FAAH2: variants seen among roughly 807,000 people sequenced by gnomAD.
The protein encoded by FAAH2 is fatty acid amide hydrolase 2.
In FAAH2, 60 loss-of-function variants were observed where a neutral mutation model predicts 36.9. The ratio of observed to expected loss-of-function variants is 1.63; its 90% CI spans 1.32 to 2.02. FAAH2 has a LOEUF of 2.02. FAAH2 is among the 30% of genes most tolerant of loss of function. FAAH2 has a pLI of 0.00. For missense variants in FAAH2, 689 were observed against 397.5 expected (o/e 1.73, Z -6.23); for synonymous variants, 214 against 143.8 (o/e 1.49, Z -3.49).
chrX:57,198,491 C>T, the FAAH2 span, among the ~76,000 whole-genome samples: 28 of 112,544 alleles, frequency 2.5e-4, no homozygotes, highest in South Asian at 7.3e-4. Flanking sequence ...CCCCAGGCTA[C>T]AAGCCTCAGT....
intron 10 of FAAH2, among the ~76,000 whole-genome samples, chrX:57,487,707 T>C (rs1191995082): frequency 2.7e-5 from 3 of 112,054 alleles, no homozygotes; most frequent in African/African-American, 9.7e-5. Context: ...TGGAAAACAA[T>C]TTGGCATTTT....
intron 1 of FAAH2, among the ~76,000 whole-genome samples, chrX:57,287,232 C>A (rs1048774440): frequency 1.8e-5 from 2 of 111,266 alleles, no homozygotes; most frequent in African/African-American, 6.5e-5. Context: ...TATTTTGGTA[C>A]CGTCATAGTC....
At chrX:57,173,543 T>TACA in the FAAH2 span, among the ~76,000 whole-genome samples, 1 of 112,006 alleles carries the variant, frequency 8.9e-6, no homozygotes, top group East Asian at 2.8e-4. Context: ...TTTGACTTTT[T>TACA]GTCCTATTTG....
chrX:57,216,544 G>GTATATA, the FAAH2 span, among the ~76,000 whole-genome samples: 1 of 26,241 alleles, frequency 3.8e-5, no homozygotes, highest in African/African-American at 1.2e-4. Flanking sequence ...ATATATATAC[G>GTATATA]TATATGTATA....
intron 4 of FAAH2, among the ~76,000 whole-genome samples, chrX:57,332,018 C>T (rs1159590392): frequency 7.2e-5 from 8 of 111,059 alleles, no homozygotes; most frequent in African/African-American, 2.6e-4. Flanking sequence ...GGAGAAGTAG[C>T]CAGCAAAGGG....
chrX:57,281,983 G>A (rs1232526841), upstream of FAAH2, among the ~76,000 whole-genome samples: 5 of 111,729 alleles, frequency 4.5e-5, no homozygotes, highest in Middle Eastern at 4.6e-3. Flanking sequence ...TGGGCATTTC[G>A]GTTGATTACA....
At chrX:57,215,195 C>A in the FAAH2 span, among the ~76,000 whole-genome samples, 1 of 109,067 alleles carries the variant, frequency 9.2e-6, no homozygotes, top group Non-Finnish European at 1.9e-5. Context: ...ATTTATGTGA[C>A]CAACAAACAT....
At chrX:57,434,157 C>G (rs1326641862) in intron 8 of FAAH2, among the ~76,000 whole-genome samples, 1 of 106,247 alleles carries the variant, frequency 9.4e-6, no homozygotes, top group East Asian at 3.0e-4. Context: ...CAATCTTGGC[C>G]TACTGCAACC....
the FAAH2 span, among the ~76,000 whole-genome samples, chrX:57,196,739 G>A: frequency 4.2e-3 from 473 of 111,321 alleles, 1 homozygote; most frequent in African/African-American, 0.015. Context: ...CTTTTATGCC[G>A]ATTTTGCTGA....
intron 8 of FAAH2, among the ~76,000 whole-genome samples, chrX:57,443,839 A>T (rs1352107485): frequency 1.8e-5 from 2 of 111,829 alleles, no homozygotes; most frequent in Non-Finnish European, 3.8e-5. Flanking sequence ...AACAGTCAGG[A>T]CCCTCAGTTG....
chrX:57,177,919 G>A, the FAAH2 span, among the ~76,000 whole-genome samples: 1 of 110,490 alleles, frequency 9.1e-6, no homozygotes, highest in East Asian at 2.9e-4. Context: ...TTCTCCCATG[G>A]GGTGCTTTCT....
chrX:57,404,872 C>A (rs2055527985), intron 7 of FAAH2, among the ~76,000 whole-genome samples: 1 of 112,185 alleles, frequency 8.9e-6, no homozygotes, highest in African/African-American at 3.2e-5. Context: ...CTGGCTGCAC[C>A]ATGATCTCAA....
At chrX:57,148,566 G>A in the FAAH2 span, among the ~76,000 whole-genome samples, 120 of 111,490 alleles carry the variant, frequency 1.1e-3, no homozygotes, top group Non-Finnish European at 1.7e-3. Context: ...CTGTTTGTCT[G>A]TTATTGGTGT....
intron 5 of FAAH2, among the ~76,000 whole-genome samples, chrX:57,362,793 A>C (rs757700532): frequency 3.6e-5 from 4 of 112,153 alleles, no homozygotes; most frequent in Non-Finnish European, 7.5e-5. Context: ...TATTTTGCAC[A>C]TGACTAGCCA....
the FAAH2 span, among the ~76,000 whole-genome samples, chrX:57,220,107 G>T: frequency 9.3e-6 from 1 of 107,646 alleles, no homozygotes; most frequent in East Asian, 2.9e-4. Context: ...CATTCTAGCC[G>T]CCCTAATCAC....
intron 1 of FAAH2, among the ~76,000 whole-genome samples, chrX:57,287,701 T>C (rs1218008415): frequency 3.6e-5 from 4 of 111,773 alleles, no homozygotes. Flanking sequence ...GGCAGGACTA[T>C]TCATCTCTGT....
At chrX:57,135,523 A>G in the FAAH2 span, 1 of 361,067 alleles carries the variant, frequency 2.8e-6, no homozygotes, top group Non-Finnish European at 4.7e-6. Flanking sequence ...CCATTTTTAA[A>G]TGACTGATTA....
intron 4 of FAAH2, among the ~76,000 whole-genome samples, chrX:57,334,513 TAA>T (rs1169884144): frequency 2.0e-5 from 2 of 101,052 alleles, no homozygotes; most frequent in Non-Finnish European, 4.1e-5. Flanking sequence ...TGAATTAATG[TAA>T]AAAAAAAAAG....
At chrX:57,387,748 T>C (rs955894148) in intron 7 of FAAH2, among the ~76,000 whole-genome samples, 6 of 111,715 alleles carry the variant, frequency 5.4e-5, no homozygotes, top group Non-Finnish European at 1.1e-4. Context: ...TAAATGCATT[T>C]CTGAAACACC....
Sources: allele counts gnomAD v4.1 joint callset (sites outside exome capture counted in the v4.1 genomes callset), GRCh38; gene constraint gnomAD v4.1.1; transcripts MANE v1.5; gene names NCBI Gene and HGNC (gene_info 2026-07-23, HGNC 2026-07-21).